The following SLF2 variants were observed in gnomAD, a reference collection of about 807,000 sequenced individuals.
SLF2 encodes the protein SMC5-SMC6 complex localization factor protein 2.
In SLF2, 68 loss-of-function variants were observed where a neutral mutation model predicts 124.3. The observed-to-expected ratio is 0.55, with a 90% CI of 0.45 to 0.67. The LOEUF (loss-of-function observed/expected upper bound fraction) is 0.67, where lower values mean the gene tolerates loss of function less well. Ranked by LOEUF, SLF2 falls within the 30% of genes least tolerant of loss-of-function variation. SLF2 has a pLI of 0.00. For synonymous variants in SLF2, 480 were observed against 478.8 expected (o/e 1.00, Z -0.03); for missense variants, 1,246 against 1,373.7 (o/e 0.91, Z 1.47).
intron 9 of SLF2, among the ~76,000 whole-genome samples, chr10:100,934,779 ATT>A (rs573864336): frequency 2.1e-5 from 3 of 140,164 alleles, no homozygotes; most frequent in Admixed American, 7.2e-5. Context: ...CGCCCAGCTA[ATT>A]TTTTTTTTTT....
chr10:100,940,708 T>C (rs1849954229), intron 11 of SLF2, among the ~76,000 whole-genome samples: 1 of 146,200 alleles, frequency 6.8e-6, no homozygotes, highest in African/African-American at 2.6e-5. Flanking sequence ...TTTCTTTTCT[T>C]CTCTTCCTTC....
At chr10:100,956,900 G>A (rs1850341408) in intron 18 of SLF2, among the ~76,000 whole-genome samples, 2 of 152,138 alleles carry the variant, frequency 1.3e-5, no homozygotes, top group Admixed American at 1.3e-4. Flanking sequence ...ACTCCAGCCT[G>A]GGAGATAGAG....
chr10:100,946,342 T>TG (rs1024367453), intron 13 of SLF2, among the ~76,000 whole-genome samples: 3 of 151,256 alleles, frequency 2.0e-5, no homozygotes, highest in Non-Finnish European at 4.4e-5. Flanking sequence ...TTTTTTTTTT[T>TG]TCTGTAAGAC....
intron 10 of SLF2, 34 bp from the exon 11 acceptor site, chr10:100,938,561 G>T: frequency 6.3e-7 from 1 of 1,589,668 alleles, no homozygotes; most frequent in South Asian, 1.2e-5. Flanking sequence ...GTAGACCACA[G>T]ATTTAGAATG....
In SLF2 at chr10:100,947,041, G is replaced by C; in HGVS notation, c.2937G>C (p.Val979=). ...MKNIRDWNTK[V]PELCLGINEL... Reference sequence around the variant, plus strand: ...TCTTACATGTTCTTTTTTTTCAGGTGCCTGAACTCTGTCTGGGCATAAATG... The same window carrying C: ...TCTTACATGTTCTTTTTTTTCAGGTCCCTGAACTCTGTCTGGGCATAAATG... Residue 979 remains valine, a splice_region_variant and synonymous_variant, in exon 14 of 20, where the codon GTG becomes GTC. Transcript: ENST00000238961. 1 of 1,611,878 alleles carries C rather than the reference G, an allele frequency of 6.2e-7. No homozygotes were observed. The highest frequency in any genetic ancestry group is 1.3e-5 in the African/African-American group (1 of 74,858).
chr10:100,932,712 TGTGTGTGTGCGC>T (rs139734541), intron 9 of SLF2, among the ~76,000 whole-genome samples: 40,764 of 129,062 alleles, frequency 0.32, 6,154 homozygotes, highest in Middle Eastern at 0.46. Context: ...TGTGTGTGTG[TGTGTGTGTGCGC>T]GCGCGCGCGC....
chr10:100,926,372 A>G, intron 6 of SLF2: 1 of 1,193,970 alleles, frequency 8.4e-7, no homozygotes, highest in African/African-American at 1.5e-5. Context: ...AGGAGGCCAA[A>G]GCAGGCAAAT....
intron 12 of SLF2, 112 bp downstream of exon 12, chr10:100,944,240 A>G (rs1850044759): frequency 6.5e-6 from 4 of 614,534 alleles, no homozygotes; most frequent in Middle Eastern, 9.3e-4. Flanking sequence ...TCACGCCTGT[A>G]ATCCCAGCAC....
At chr10:100,928,684 A>G (rs2133777798) in intron 6 of SLF2, among the ~76,000 whole-genome samples, 1 of 152,310 alleles carries the variant, frequency 6.6e-6, no homozygotes, top group East Asian at 1.9e-4. Flanking sequence ...ACATCCTTGC[A>G]TTACAAGCTC....
At chr10:100,950,046 T>G in intron 15 of SLF2, 30 bp from the exon 16 acceptor site, 1 of 1,533,718 alleles carries the variant, frequency 6.5e-7, no homozygotes, top group African/African-American at 1.4e-5. Flanking sequence ...TTATTTAGCT[T>G]TGTTCAATGT....
In SLF2 at chr10:100,946,956, C is replaced by T. The variant is rs552113316; in HGVS notation, c.2935-83C>T. 2.3e-4 allele frequency: 252 copies of T among 1,079,678 alleles called. 2 individuals carry two copies. The South Asian group carries it at 3.1e-3, about 13-fold the overall frequency. The allele number at this position is 1,079,678 out of a possible 1,614,324, so 66.9% of individuals were successfully genotyped here. On this transcript the variant is annotated intron_variant, in intron 13 of 19. Transcript: ENST00000238961. Reference sequence around the variant, plus strand: ...TTTTGTACTAGTGCTTCCATTATGTCAAGAAGGGTTGTAGATGATCTGTTG... The same window carrying T: ...TTTTGTACTAGTGCTTCCATTATGTTAAGAAGGGTTGTAGATGATCTGTTG...
rs1368606679 is a variant in SLF2, at chr10:100,947,022, A to G, written c.2935-17A>G. ...TGTTCTGTTTGAAAAGAAATCTTACATGTTCTTTTTTTTCAGGTGCCTGAA... is the reference window on the plus strand; with the variant it reads ...TGTTCTGTTTGAAAAGAAATCTTACGTGTTCTTTTTTTTCAGGTGCCTGAA... On this transcript the variant is annotated splice_polypyrimidine_tract_variant and intron_variant, in intron 13 of 19. Coordinates refer to ENST00000238961, the MANE Select transcript of SLF2 (RefSeq NM_018121.4). 12 of 1,589,422 alleles carry G rather than the reference A, an allele frequency of 7.5e-6. No individual in the cohort carries two copies. The highest frequency in any genetic ancestry group is 1.1e-5 in the South Asian group (1 of 90,556).
chr10:100,933,413 G>A (rs1360260582), intron 9 of SLF2, among the ~76,000 whole-genome samples: 5 of 152,156 alleles, frequency 3.3e-5, no homozygotes, highest in Middle Eastern at 3.4e-3. Context: ...CGTTTTCATC[G>A]TGGGAGGCTT....
At chr10:100,916,469 C>T in intron 2 of SLF2, 101 bp from the exon 3 acceptor site, 1 of 1,014,504 alleles carries the variant, frequency 9.9e-7, no homozygotes, top group Non-Finnish European at 1.2e-6. Flanking sequence ...TTTGTGGTAA[C>T]ATTAGTATAG....
Position 100,925,971 on chromosome 10 carries a change from A to G in SLF2, c.1994A>G (p.Tyr665Cys), listed in dbSNP as rs753922860. Reference protein sequence around the residue: ...DYTGHVHPGTYTNTLERLVKE... With the variant: ...DYTGHVHPGTCTNTLERLVKE... ...TAGGGACATGTTCATCCTGGAACTT[A>G]CACAAATACCTTAGAACGTCTAGTG... Residue 665 changes from tyrosine to cysteine, a missense_variant, in exon 6 of 20, where the codon TAC becomes TGC. Tyr to Cys is a radical substitution (Grantham distance 194). Coordinates refer to ENST00000238961, the MANE Select transcript of SLF2 (RefSeq NM_018121.4). 1.2e-6 allele frequency: 2 copies of G among 1,605,700 alleles called. No individual in the cohort carries two copies. Among genetic ancestry groups the G allele is most frequent in the Non-Finnish European group, 1.7e-6 (2 of 1,175,552 alleles).
rs749752255 is a variant in SLF2, at chr10:100,950,673, C to T, written c.3253-3C>T. 6.8e-6 allele frequency: 11 copies of T among 1,610,042 alleles called. No homozygotes were observed. In the African/African-American group the frequency reaches 1.3e-4, roughly 20 times the overall value. On this transcript the variant is annotated splice_region_variant and splice_polypyrimidine_tract_variant and intron_variant, in intron 16 of 19. Transcript: ENST00000238961. ...GTGTTAATTTTATTCATTTCTCTAA[C>T]AGGCATATTACCTGACCTACATTCT...
At chr10:100,926,456 T>G (rs780481183) in intron 6 of SLF2, 33 of 542,026 alleles carry the variant, frequency 6.1e-5, no homozygotes, top group Non-Finnish European at 9.7e-5. Context: ...ATACAAAAAT[T>G]AGCCAGTCAT....
chr10:100,956,522 T>G lies in SLF2; in HGVS notation c.3402T>G (p.Leu1134=). 1.2e-6 allele frequency: 2 copies of G among 1,611,984 alleles called. No homozygotes were observed. The highest frequency in any genetic ancestry group is 1.7e-6 in the Non-Finnish European group (2 of 1,178,782). Residue 1134 remains leucine, a synonymous_variant, in exon 18 of 20, where the codon CTT becomes CTG. Transcript: ENST00000238961. ...VKCDIREDAR[L]FYRTKVKDLV... is the part of the protein sequence containing the mutation. ...GTGATATTAGGGAAGATGCAAGACT[T>G]TTTTACAGAACTAAGGTAAGTGTGT...
chr10:100,947,917 A>G, intron 15 of SLF2, 70 bp downstream of exon 15: 1 of 1,168,972 alleles, frequency 8.6e-7, no homozygotes, highest in Non-Finnish European at 1.3e-6. Flanking sequence ...AAATTGATGA[A>G]CCCTAAGTCA....
Sources: gnomAD v4.1 joint callset for allele counts (sites outside exome capture counted in the v4.1 genomes callset) on GRCh38, gnomAD v4.1.1 for gene constraint, MANE v1.5 for transcripts, NCBI Gene and HGNC (gene_info 2026-07-23, HGNC 2026-07-21) for gene names.